The following PLBD1 variants were observed in gnomAD, a reference collection of about 807,000 sequenced individuals.
PLBD1 encodes the protein lysosomal leucine aminopeptidase.
A neutral mutation model predicts 63.0 loss-of-function variants in PLBD1; 60 were observed. That is an observed-to-expected ratio of 0.95 (90% CI 0.77 to 1.18). PLBD1 has a LOEUF of 1.18. Among genes scored for constraint, PLBD1 ranks in the 50% most tolerant of loss-of-function variants. The probability of loss-of-function intolerance (pLI) is 0.00; values close to 1 mark genes in which losing one functional copy is unlikely to be tolerated. For synonymous variants in PLBD1, 262 were observed against 248.0 expected (o/e 1.06, Z -0.53); for missense variants, 598 against 677.9 (o/e 0.88, Z 1.31).
At position 14,506,175 on chromosome 12, in the gene PLBD1, C is replaced by G. The variant is rs1201800621; in HGVS notation, c.1466G>C (p.Cys489Ser). 6.2e-7 allele frequency: 1 copy of G among 1,606,794 alleles called. No homozygotes were observed. Among genetic ancestry groups the G allele is most frequent in the Non-Finnish European group, 8.5e-7 (1 of 1,175,178 alleles). Residue 489 changes from cysteine (C) to serine (S), a missense_variant, in exon 10 of 11, where the codon TGT becomes TCT. Physicochemically the swap from Cys to Ser is moderately radical, Grantham distance 112 (BLOSUM62 -1). Coordinates refer to ENST00000240617, the MANE Select transcript of PLBD1 (RefSeq NM_024829.6). ...ATAGCATGTTACCTTTGTGTCATAA[C>G]AACCTCCAGGACTTGGGTTAGGTGA... Reference protein sequence around the residue: ...LNSPNPSPGGCYDTKVADIYL... With the variant: ...LNSPNPSPGGSYDTKVADIYL...
chr12:14,515,080 G>A (rs1030582511), intron 6 of PLBD1, among the ~76,000 whole-genome samples: 1 of 152,044 alleles, frequency 6.6e-6, no homozygotes, highest in Non-Finnish European at 1.5e-5. Context: ...ACACCAAACT[G>A]CAGAAATAAA....
At chr12:14,510,274 G>A (rs1406628349) in intron 8 of PLBD1, among the ~76,000 whole-genome samples, 1 of 152,096 alleles carries the variant, frequency 6.6e-6, no homozygotes, top group Non-Finnish European at 1.5e-5. Context: ...CGTGCCTGTA[G>A]TCCCAGCTAC....
At chr12:14,534,127 C>T (rs751059923) in intron 6 of PLBD1, among the ~76,000 whole-genome samples, 3 of 152,142 alleles carry the variant, frequency 2.0e-5, no homozygotes, top group Middle Eastern at 3.4e-3. Context: ...CAGCCTGGGG[C>T]GATAGGGTGA....
intron 2 of PLBD1, among the ~76,000 whole-genome samples, chr12:14,549,572 C>T (rs1945640699): frequency 6.6e-6 from 1 of 152,168 alleles, no homozygotes; most frequent in Admixed American, 6.5e-5. Flanking sequence ...CTGTTGGGAG[C>T]ACTTCCATCC....
intron 1 of PLBD1, among the ~76,000 whole-genome samples, chr12:14,564,986 G>C (rs1410792658): frequency 1.3e-5 from 2 of 152,072 alleles, no homozygotes; most frequent in African/African-American, 4.8e-5. Flanking sequence ...ATACCACTTA[G>C]AAAAAATTAT....
At chr12:14,528,717 A>G (rs1453186860) in intron 6 of PLBD1, among the ~76,000 whole-genome samples, 3 of 152,146 alleles carry the variant, frequency 2.0e-5, no homozygotes, top group Non-Finnish European at 4.4e-5. Flanking sequence ...AAGAAAGAAA[A>G]TAAATATAAA....
intron 8 of PLBD1, among the ~76,000 whole-genome samples, chr12:14,509,173 T>G (rs1179929600): frequency 1.3e-5 from 2 of 152,086 alleles, no homozygotes; most frequent in Admixed American, 1.3e-4. Context: ...GAAGAGTGTC[T>G]AGAATGCAGT....
At chr12:14,517,721 A>G (rs1945347074) in intron 6 of PLBD1, among the ~76,000 whole-genome samples, 1 of 152,218 alleles carries the variant, frequency 6.6e-6, no homozygotes, top group South Asian at 2.1e-4. Context: ...CCACAGGCTC[A>G]GACTGTTTTG....
Position 14,540,760 on chromosome 12 carries a change from C to T in PLBD1, c.558+4G>A, listed in dbSNP as rs764623104. 2.6e-6 allele frequency: 4 copies of T among 1,566,436 alleles called. No individual in the cohort carries two copies. The highest frequency in any genetic ancestry group is 1.2e-5 in the South Asian group (1 of 84,236). ...AATTCTGAGAAGCTTGTTTAAAGTC[C>T]TACCTTTGTCCCTTCTAATATAGCC... On this transcript the variant is annotated splice_donor_region_variant and intron_variant, in intron 4 of 10. Coordinates refer to ENST00000240617, the MANE Select transcript of PLBD1 (RefSeq NM_024829.6).
chr12:14,525,290 A>C (rs1591998126), intron 6 of PLBD1, among the ~76,000 whole-genome samples: 1 of 152,076 alleles, frequency 6.6e-6, no homozygotes, highest in East Asian at 1.9e-4. Flanking sequence ...AAAATAAAAT[A>C]AACAAAAAAT....
At chr12:14,560,528 C>T (rs565455124) in intron 1 of PLBD1, among the ~76,000 whole-genome samples, 115 of 152,262 alleles carry the variant, frequency 7.6e-4, no homozygotes, top group Non-Finnish European at 1.1e-3. Flanking sequence ...TATGTCTGCT[C>T]GGCTAGTCTC....
Position 14,553,268 on chromosome 12 carries a change from C to A in PLBD1, c.260G>T (p.Gly87Val). The A allele has an allele frequency of 6.2e-7, 1 of 1,614,122 alleles. No homozygotes were observed. The highest frequency in any genetic ancestry group is 1.1e-5 in the South Asian group (1 of 91,078). ...TGWGILEIRA[G>V]YGSQTLSNEI... ...ATTGCTCAGGGTTTGAGAGCCATAG[C>A]CAGCTCTGATCTCCAGGATGCCCCA... The change falls in exon 2 of 11, where the codon GGC (glycine) becomes GTC (valine). Residue 87 changes from glycine (G) to valine (V), a missense_variant. Gly to Val is a moderately radical substitution (Grantham distance 109). Coordinates refer to ENST00000240617, the MANE Select transcript of PLBD1 (RefSeq NM_024829.6).
intron 1 of PLBD1, among the ~76,000 whole-genome samples, chr12:14,567,002 G>A (rs1378090177): frequency 6.6e-6 from 1 of 152,054 alleles, no homozygotes; most frequent in Non-Finnish European, 1.5e-5. Flanking sequence ...AGCTGAGGGA[G>A]GAGAATCGCT....
At position 14,536,709 on chromosome 12, in the gene PLBD1, G is replaced by C; in HGVS notation, c.560C>G (p.Pro187Arg). ...GAACTGAATCTGGAACAGGGTCATT[G>C]GCTAGGAAAGGACAAAGACTGCACT... is the stretch of plus-strand genomic sequence containing the variant. ...KKRAILEGTK[P>R]MTLFQIQFLN... The change falls in exon 5 of 11, where the codon CCA becomes CGA. Residue 187 changes from proline to arginine, a missense_variant and splice_region_variant. Physicochemically the swap from Pro to Arg is moderately radical, Grantham distance 103. Transcript: ENST00000240617. The C allele has an allele frequency of 6.2e-7, 1 of 1,613,750 alleles. No individual in the cohort carries two copies. Among genetic ancestry groups the C allele is most frequent in the Non-Finnish European group, 8.5e-7 (1 of 1,179,852 alleles).
intron 2 of PLBD1, among the ~76,000 whole-genome samples, chr12:14,544,462 C>A (rs190523092): frequency 6.6e-6 from 1 of 152,302 alleles, no homozygotes; most frequent in African/African-American, 2.4e-5. Flanking sequence ...GAGTGAGCCA[C>A]TGCACTGGGC....
In PLBD1 at chr12:14,540,966, C is replaced by T. The variant is rs1945566868; in HGVS notation, c.420-64G>A. 4.1e-6 allele frequency: 6 copies of T among 1,466,694 alleles called. No individual in the cohort carries two copies. The African/African-American group carries it at 4.2e-5, about 10-fold the overall frequency. 90.9% of individuals were successfully genotyped at this position (1,466,694 alleles called of 1,614,324 possible). On this transcript the variant is annotated intron_variant, in intron 3 of 10. Coordinates refer to ENST00000240617, the MANE Select transcript of PLBD1 (RefSeq NM_024829.6). Reference sequence around the variant, plus strand: ...TTGCTCATTCAAAGCTAAATCAAAGCAGGCATTGAGAGATTATATACTCAG... The same window carrying T: ...TTGCTCATTCAAAGCTAAATCAAAGTAGGCATTGAGAGATTATATACTCAG...
At chr12:14,506,819 A>T in intron 9 of PLBD1, 114 bp downstream of exon 9, 1 of 909,748 alleles carries the variant, frequency 1.1e-6, no homozygotes, top group Non-Finnish European at 1.6e-6. Context: ...TTAAATACTT[A>T]AATAACTTCT....
chr12:14,560,007 T>G (rs1945733800), intron 1 of PLBD1, among the ~76,000 whole-genome samples: 1 of 152,072 alleles, frequency 6.6e-6, no homozygotes, highest in Non-Finnish European at 1.5e-5. Flanking sequence ...ATTACAGGCA[T>G]GCGCCGCCAC....
At position 14,536,692 on chromosome 12, in the gene PLBD1, T is replaced by C. The variant is rs139167922; in HGVS notation, c.577A>G (p.Ile193Val). 1.9e-6 allele frequency: 3 copies of C among 1,614,022 alleles called. No homozygotes were observed. In the African/African-American group the frequency reaches 4.0e-5, roughly 22 times the overall value. The change falls in exon 5 of 11, where the codon ATT becomes GTT. Residue 193 changes from isoleucine to valine, a missense_variant. Coordinates refer to ENST00000240617, the MANE Select transcript of PLBD1 (RefSeq NM_024829.6). ...EGTKPMTLFQ[I>V]QFLNSVGDLL... ...TCTCCAACACTATTCAGGAACTGAATCTGGAACAGGGTCATTGGCTAGGAA... is the reference window on the plus strand; with the variant it reads ...TCTCCAACACTATTCAGGAACTGAACCTGGAACAGGGTCATTGGCTAGGAA...
Sources: gnomAD v4.1 joint callset for allele counts (sites outside exome capture counted in the v4.1 genomes callset) on GRCh38, gnomAD v4.1.1 for gene constraint, MANE v1.5 for transcripts, NCBI Gene and HGNC (gene_info 2026-07-23, HGNC 2026-07-21) for gene names.